Variants in FAM118B observed in about 807,000 individuals in gnomAD.
FAM118B encodes protein FAM118B.
A neutral mutation model predicts 38.5 loss-of-function variants in FAM118B; 24 were observed. The observed-to-expected ratio is 0.62, with a 90% CI of 0.45 to 0.88. The LOEUF (loss-of-function observed/expected upper bound fraction) is 0.88, where lower values mean the gene tolerates loss of function less well. Among genes scored for constraint, FAM118B ranks in the 40% least tolerant of loss-of-function variants. The pLI is 0.00. For missense variants in FAM118B, 334 were observed against 420.0 expected, an observed-to-expected ratio of 0.80 and a Z score of 1.79; for synonymous variants, 138 against 156.3, an observed-to-expected ratio of 0.88 and a Z score of 0.87.
At chr11:126,238,179 T>C (rs1209165254) in intron 3 of FAM118B, among the ~76,000 whole-genome samples, 1 of 151,968 alleles carries the variant, frequency 6.6e-6, no homozygotes, top group Non-Finnish European at 1.5e-5. Flanking sequence ...CTGGCCAACC[T>C]GGTGAAACCC....
Position 126,262,259 on chromosome 11 carries a change from G to A in FAM118B, c.*126G>A. The A allele has an allele frequency of 1.9e-6, 2 of 1,035,942 alleles. No homozygotes were observed. Among genetic ancestry groups the A allele is most frequent in the East Asian group, 4.9e-5 (2 of 40,478 alleles). The allele number at this position is 1,035,942 out of a possible 1,614,324, so 64.2% of individuals were successfully genotyped here. A position where few individuals can be genotyped will look rare whatever the true frequency, so the allele number is the denominator to read the frequency against. On this transcript the variant is annotated 3_prime_UTR_variant, in exon 9 of 9. Transcript: ENST00000533050. ...AAGTAACAATAGCCAGAGGTTGAAGGGCGGGGTAGAAGAGGGGGGAATGTT... is the reference window on the plus strand; with the variant it reads ...AAGTAACAATAGCCAGAGGTTGAAGAGCGGGGTAGAAGAGGGGGGAATGTT...
intron 1 of FAM118B, among the ~76,000 whole-genome samples, chr11:126,222,934 A>G (rs1361022300): frequency 6.6e-6 from 1 of 152,218 alleles, no homozygotes; most frequent in East Asian, 1.9e-4. Flanking sequence ...TGTGAGATAC[A>G]AACTAGGAGA....
chr11:126,214,490 G>GTTTTGTT (rs1949942835), intron 1 of FAM118B: 1 of 25,814 alleles, frequency 3.9e-5, no homozygotes, highest in Admixed American at 5.1e-4. Context: ...TTTTGTTTCT[G>GTTTTGTT]TTTTTTTTTT....
intron 1 of FAM118B, among the ~76,000 whole-genome samples, chr11:126,224,239 G>A (rs1384827859): frequency 6.6e-6 from 1 of 152,084 alleles, no homozygotes; most frequent in Non-Finnish European, 1.5e-5. Context: ...TTGGGAGAGT[G>A]AGGCAGGCGG....
rs187335096 is a variant in FAM118B at position 126,258,187 on chromosome 11, G to C, written c.982+1335G>C. Among the ~76,000 whole-genome samples the C allele has an allele frequency of 2.4e-4, 36 of 152,272 alleles. No homozygotes were observed. The East Asian group carries it at 4.4e-3, about 19-fold the overall frequency. On this transcript the variant is annotated intron_variant, in intron 7 of 8. Coordinates refer to ENST00000533050, the MANE Select transcript of FAM118B (RefSeq NM_024556.4). ...CAGGTGGGAGGATCACTTGAGGCCAGGAGTTCAAGATGAGTGTGAGCAACA... is the reference window on the plus strand; with the variant it reads ...CAGGTGGGAGGATCACTTGAGGCCACGAGTTCAAGATGAGTGTGAGCAACA...
intron 1 of FAM118B, among the ~76,000 whole-genome samples, chr11:126,223,258 A>G (rs2135134260): frequency 6.6e-6 from 1 of 152,280 alleles, no homozygotes; most frequent in African/African-American, 2.4e-5. Context: ...CACAGTGAGA[A>G]GCCATGGAAT....
chr11:126,246,254 C>A (rs1364344032), intron 4 of FAM118B, among the ~76,000 whole-genome samples: 1 of 151,890 alleles, frequency 6.6e-6, no homozygotes, highest in African/African-American at 2.4e-5. Flanking sequence ...TTGGAAATGT[C>A]CATATTAGAA....
At position 126,252,618 on chromosome 11, in the gene FAM118B, C is replaced by T. The variant is rs1217374325; in HGVS notation, c.568-1687C>T. Among the ~76,000 whole-genome samples the T allele has an allele frequency of 6.6e-6, 1 of 152,156 alleles. No individual in the cohort carries two copies. Among genetic ancestry groups the T allele is most frequent in the African/African-American group, 2.4e-5 (1 of 41,424 alleles). On this transcript the variant is annotated intron_variant, in intron 5 of 8. Transcript: ENST00000533050. The surrounding 1 kb of genome is among the most constrained non-coding windows in gnomAD (Gnocchi z 4.7). ...ATTAGCCGGGCATGGTGGTGTTTGC[C>T]TGTGGTCCCAGCTACTTGGGAGGCT...
At chr11:126,237,446 C>T (rs542071654) in intron 3 of FAM118B, among the ~76,000 whole-genome samples, 236 of 144,912 alleles carry the variant, frequency 1.6e-3, no homozygotes, top group Non-Finnish European at 2.0e-3. Flanking sequence ...CCATGTTGAC[C>T]AGGCTGATCT....
At chr11:126,214,731 T>C (rs1196686288) in intron 1 of FAM118B, among the ~76,000 whole-genome samples, 1 of 152,080 alleles carries the variant, frequency 6.6e-6, no homozygotes, top group African/African-American at 2.4e-5. Context: ...CTTATTTACA[T>C]TGATTTTGAT....
At position 126,252,907 on chromosome 11, in the gene FAM118B, C is replaced by T. The variant is rs185083019; in HGVS notation, c.568-1398C>T. Among the ~76,000 whole-genome samples, 7 of 151,704 alleles carry T rather than the reference C, an allele frequency of 4.6e-5. No homozygotes were observed. Among genetic ancestry groups the T allele is most frequent in the Admixed American group, 2.6e-4 (4 of 15,210 alleles). On this transcript the variant is annotated intron_variant, in intron 5 of 8. Coordinates refer to ENST00000533050, the MANE Select transcript of FAM118B (RefSeq NM_024556.4). This position sits in a 1 kb window ranked among gnomAD's most constrained non-coding sequence, Gnocchi z 4.7. Reference sequence around the variant, plus strand: ...AAAACTAGCTGGGAGTGGTGGTGCACGCCTGTAATCCCAGTTACTTGGGAG... The same window carrying T: ...AAAACTAGCTGGGAGTGGTGGTGCATGCCTGTAATCCCAGTTACTTGGGAG...
intron 1 of FAM118B, among the ~76,000 whole-genome samples, chr11:126,221,367 A>T (rs1192240347): frequency 6.6e-6 from 1 of 152,236 alleles, no homozygotes; most frequent in Non-Finnish European, 1.5e-5. Flanking sequence ...CAGTTTTTCC[A>T]AAATCAGTAA....
chr11:126,217,461 A>G (rs1565323812), intron 1 of FAM118B, among the ~76,000 whole-genome samples: 1 of 152,162 alleles, frequency 6.6e-6, no homozygotes, highest in South Asian at 2.1e-4. Context: ...GAGCTGGATG[A>G]TCTATTACAG....
chr11:126,247,178 G>A (rs1950428842), intron 4 of FAM118B, among the ~76,000 whole-genome samples: 1 of 152,130 alleles, frequency 6.6e-6, no homozygotes, highest in Non-Finnish European at 1.5e-5. Flanking sequence ...TGTAGTCCTA[G>A]CCACTTGGGA....
intron 1 of FAM118B, among the ~76,000 whole-genome samples, chr11:126,221,951 A>C (rs1950068514): frequency 6.6e-6 from 1 of 152,138 alleles, no homozygotes; most frequent in African/African-American, 2.4e-5. Flanking sequence ...TCATCCAGGC[A>C]TGTGAAACTT....
chr11:126,259,495 G>A (rs867774498), intron 7 of FAM118B, among the ~76,000 whole-genome samples: 3 of 143,096 alleles, frequency 2.1e-5, no homozygotes, highest in African/African-American at 5.2e-5. Context: ...GCACAATCTC[G>A]GCTCACTGCA....
At chr11:126,237,021 A>G (rs1237989485) in intron 3 of FAM118B, among the ~76,000 whole-genome samples, 1 of 143,490 alleles carries the variant, frequency 7.0e-6, no homozygotes, top group Non-Finnish European at 1.5e-5. Context: ...GGTTCACACC[A>G]TTCTCCTGCC....
At chr11:126,246,123 A>G (rs975273318) in intron 4 of FAM118B, among the ~76,000 whole-genome samples, 1 of 152,222 alleles carries the variant, frequency 6.6e-6, no homozygotes, top group Non-Finnish European at 1.5e-5. Flanking sequence ...TTAATAATAA[A>G]AATGATATAT....
At chr11:126,237,777 A>AACCTGGG (rs1950298986) in intron 3 of FAM118B, among the ~76,000 whole-genome samples, 1 of 146,380 alleles carries the variant, frequency 6.8e-6, no homozygotes, top group Non-Finnish European at 1.5e-5. Context: ...GAATCACTTG[A>AACCTGGG]ACCTGGGAGG....
Sources: gnomAD v4.1 joint callset for allele counts (sites outside exome capture counted in the v4.1 genomes callset) on GRCh38, gnomAD v4.1.1 for gene constraint, Gnocchi (gnomAD v3.1) non-coding constraint, MANE v1.5 for transcripts, NCBI Gene and HGNC (gene_info 2026-07-23, HGNC 2026-07-21) for gene names.